Variants in CDC14B observed in about 807,000 individuals in gnomAD.
CDC14B encodes the protein dual specificity protein phosphatase CDC14B.
A neutral mutation model predicts 64.2 loss-of-function variants in CDC14B; 22 were observed. The ratio of observed to expected loss-of-function variants is 0.34; its 90% confidence interval spans 0.24 to 0.49. The LOEUF (loss-of-function observed/expected upper bound fraction) is 0.49. CDC14B is among the 20% of genes least tolerant of loss of function. The pLI, the probability that CDC14B is intolerant of heterozygous loss-of-function variation, is 0.99. For synonymous variants in CDC14B, 191 were observed against 215.8 expected, an observed-to-expected ratio of 0.89 and a Z score of 1.01; for missense variants, 498 against 629.9, an observed-to-expected ratio of 0.79 and a Z score of 2.24.
At chr9:96,614,637 T>C (rs955718724) in intron 1 of CDC14B, among the ~76,000 whole-genome samples, 9 of 152,274 alleles carry the variant, frequency 5.9e-5, no homozygotes, top group African/African-American at 2.2e-4. Context: ...CTGCCATGAA[T>C]GGAGGTCCCT....
chr9:96,529,982 G>A (rs1039105839), intron 9 of CDC14B, among the ~76,000 whole-genome samples: 4 of 152,080 alleles, frequency 2.6e-5, no homozygotes, highest in African/African-American at 7.2e-5. Flanking sequence ...ATACTGACAT[G>A]TTAACAATAT....
chr9:96,546,979 G>A (rs1587911540), intron 5 of CDC14B, among the ~76,000 whole-genome samples: 1 of 151,386 alleles, frequency 6.6e-6, no homozygotes, highest in Non-Finnish European at 1.5e-5. Flanking sequence ...GGAGAATGGC[G>A]TGAACCCAGG....
intron 13 of CDC14B, among the ~76,000 whole-genome samples, chr9:96,509,329 TA>T (rs1834596030): frequency 6.6e-6 from 1 of 152,230 alleles, no homozygotes; most frequent in South Asian, 2.1e-4. Context: ...CATTTGCAGC[TA>T]ATCGTCCAGC....
intron 2 of CDC14B, 104 bp downstream of exon 2, chr9:96,565,289 A>C (rs1843749909): frequency 1.5e-6 from 1 of 671,652 alleles, no homozygotes; most frequent in East Asian, 2.7e-5. Flanking sequence ...TCCTGTAATT[A>C]GCAATCAATA....
At position 96,606,066 on chromosome 9, in the gene CDC14B, G is replaced by T. The variant is rs138929533; in HGVS notation, c.160+13153C>A. Among the ~76,000 whole-genome samples, 589 of 151,946 alleles carry T rather than the reference G, an allele frequency of 3.9e-3. 5 individuals are homozygous for T. The highest frequency in any genetic ancestry group is 0.012 in the African/African-American group (514 of 41,448). The stretch of plus-strand genomic sequence containing the variant: ...TAATATTTGCTGCCCGGGAATGGTG[G>T]CTCATGCCTGTAATCCCAGCACTTT... On this transcript the variant is annotated intron_variant, in intron 1 of 13. Transcript: ENST00000375241.
chr9:96,569,477 G>C (rs1844347209), intron 1 of CDC14B, among the ~76,000 whole-genome samples: 1 of 152,168 alleles, frequency 6.6e-6, no homozygotes. Context: ...ATATATTACA[G>C]GTCGGGGGAA....
chr9:96,534,650 A>G, intron 7 of CDC14B, 108 bp from the exon 8 acceptor site: 1 of 704,684 alleles, frequency 1.4e-6, no homozygotes, highest in Non-Finnish European at 2.4e-6. Context: ...CTTTAGCGGA[A>G]AAGCTGTTTA....
chr9:96,555,015 G>T (rs1347981738), intron 4 of CDC14B, among the ~76,000 whole-genome samples: 1 of 152,076 alleles, frequency 6.6e-6, no homozygotes. Context: ...TATATATATA[G>T]AATGCCCACT....
chr9:96,603,398 G>C (rs550343324), intron 1 of CDC14B, among the ~76,000 whole-genome samples: 19 of 152,284 alleles, frequency 1.2e-4, no homozygotes, highest in Admixed American at 3.3e-4. Flanking sequence ...TCTAGGTGAA[G>C]AGGTATAATG....
At chr9:96,530,894 C>T (rs78692058) in intron 9 of CDC14B, among the ~76,000 whole-genome samples, 8,384 of 152,172 alleles carry the variant, frequency 0.055, 710 homozygotes, top group African/African-American at 0.18. Flanking sequence ...TTTTGTCAGA[C>T]GCTTTTTGTG....
At chr9:96,593,686 G>A (rs190613585) in intron 1 of CDC14B, among the ~76,000 whole-genome samples, 19 of 152,050 alleles carry the variant, frequency 1.2e-4, no homozygotes, top group Admixed American at 9.2e-4. Context: ...GCTGGGAGGG[G>A]AAAAAAGCTC....
At chr9:96,509,836 T>G in intron 12 of CDC14B, 47 bp from the exon 13 acceptor site, 2 of 1,177,230 alleles carry the variant, frequency 1.7e-6, no homozygotes, top group East Asian at 2.4e-5. Context: ...TGAAACCATT[T>G]GCAAATACTT....
Position 96,619,725 on chromosome 9 carries a change from T to G in CDC14B, c.-347A>C, listed in dbSNP as rs1167230110. The stretch of plus-strand genomic sequence containing the variant: ...CGGGGCTGCAGCTGGCGGCCGGAGC[T>G]GCCCGGGGTAACCGTGCGTGCCCAC... On this transcript the variant is annotated 5_prime_UTR_variant, in exon 1 of 14. Transcript: ENST00000375241. 1 of 150,456 alleles carries G rather than the reference T, an allele frequency of 6.6e-6. No homozygotes were observed. Among genetic ancestry groups the G allele is most frequent in the Non-Finnish European group, 1.5e-5 (1 of 67,480 alleles). 9.3% of individuals were successfully genotyped at this position (150,456 alleles called of 1,614,324 possible).
intron 1 of CDC14B, among the ~76,000 whole-genome samples, chr9:96,569,503 T>C (rs1404512003): frequency 6.6e-6 from 1 of 152,252 alleles, no homozygotes; most frequent in Non-Finnish European, 1.5e-5. Flanking sequence ...TGATTTCTGA[T>C]GTGCAATTAT....
At chr9:96,585,429 A>G (rs115009435) in intron 1 of CDC14B, among the ~76,000 whole-genome samples, 73 of 152,168 alleles carry the variant, frequency 4.8e-4, no homozygotes, top group African/African-American at 1.7e-3. Context: ...TCTCATTGTA[A>G]GGTACATATT....
intron 4 of CDC14B, among the ~76,000 whole-genome samples, chr9:96,555,693 G>A (rs961756800): frequency 1.3e-5 from 2 of 152,172 alleles, no homozygotes; most frequent in African/African-American, 4.8e-5. Flanking sequence ...GTTTCTCTAG[G>A]ATAAAGACTC....
intron 5 of CDC14B, among the ~76,000 whole-genome samples, chr9:96,550,905 C>G (rs16911210): frequency 0.052 from 7,917 of 152,154 alleles, 692 homozygotes; most frequent in African/African-American, 0.18. Flanking sequence ...ACTGGTTTTT[C>G]TGGAAGTGGT....
At chr9:96,513,877 A>G (rs1035318113) in intron 12 of CDC14B, among the ~76,000 whole-genome samples, 105 of 152,172 alleles carry the variant, frequency 6.9e-4, no homozygotes, top group Admixed American at 6.8e-3. Context: ...TTCACTGGAA[A>G]CAACTTAGCA....
chr9:96,516,841 G>C (rs1395375118), intron 12 of CDC14B, among the ~76,000 whole-genome samples: 1 of 151,852 alleles, frequency 6.6e-6, no homozygotes, highest in Non-Finnish European at 1.5e-5. Flanking sequence ...GCCCAGGCTG[G>C]AGTGCAGTGG....
Sources: allele counts gnomAD v4.1 joint callset (sites outside exome capture counted in the v4.1 genomes callset), GRCh38; gene constraint gnomAD v4.1.1; transcripts MANE v1.5; gene names NCBI Gene and HGNC (gene_info 2026-07-23, HGNC 2026-07-21).